ZNF44: variants seen among roughly 807,000 people sequenced by gnomAD.
The protein encoded by ZNF44 is gonadotropin inducible transcription repressor-2.
ZNF44 carries 9 observed loss-of-function variants against 11.7 expected under a neutral mutation model. The observed-to-expected ratio is 0.77, with a 90% CI of 0.46 to 1.35. The LOEUF is 1.35. ZNF44 is among the 40% of genes most tolerant of loss of function. The pLI, the probability that ZNF44 is intolerant of heterozygous loss-of-function variation, is 0.00. For synonymous variants in ZNF44, 224 were observed against 242.7 expected (o/e 0.92, Z 0.72); for missense variants, 696 against 743.1 (o/e 0.94, Z 0.74).
upstream of ZNF44, among the ~76,000 whole-genome samples, chr19:12,242,484 T>G (rs1916651339): frequency 6.9e-6 from 1 of 144,010 alleles, no homozygotes; most frequent in African/African-American, 2.7e-5. Context: ...CACTCCAGCC[T>G]GGGTGACAGA....
At chr19:12,270,587 G>GACT (rs1269993121), downstream of ZNF44, among the ~76,000 whole-genome samples, 1 of 151,974 alleles carries the variant, frequency 6.6e-6, no homozygotes, top group Non-Finnish European at 1.5e-5. Context: ...AAGTAGCTGG[G>GACT]ACTACATGCG....
At chr19:12,258,748 T>C (rs1476561203) in intron 5 of ZNF44, among the ~76,000 whole-genome samples, 1 of 152,092 alleles carries the variant, frequency 6.6e-6, no homozygotes, top group Non-Finnish European at 1.5e-5. Context: ...GAAAATTGCT[T>C]AAACCTGAGA....
upstream of ZNF44, among the ~76,000 whole-genome samples, chr19:12,240,086 T>C (rs1361156020): frequency 6.6e-6 from 1 of 152,140 alleles, no homozygotes; most frequent in East Asian, 1.9e-4. Context: ...TTCCTATTGT[T>C]AGGATGAGCA....
intron 3 of ZNF44, among the ~76,000 whole-genome samples, chr19:12,229,157 A>G (rs1339713324): frequency 6.6e-6 from 1 of 152,210 alleles, no homozygotes; most frequent in Non-Finnish European, 1.5e-5. Context: ...CATAACACAT[A>G]TATAACCACA....
intron 5 of ZNF44, chr19:12,260,466 A>G: frequency 1.5e-6 from 2 of 1,354,412 alleles, no homozygotes; most frequent in Non-Finnish European, 2.1e-6. Context: ...CCGCAGGGTC[A>G]GCGCCATCCT....
intron 1 of ZNF44, among the ~76,000 whole-genome samples, chr19:12,278,284 C>T (rs1967316719): frequency 6.6e-6 from 1 of 152,176 alleles, no homozygotes; most frequent in African/African-American, 2.4e-5. Flanking sequence ...GTAAGGAAGG[C>T]TTTTAGTTAG....
upstream of ZNF44, among the ~76,000 whole-genome samples, chr19:12,240,296 T>A (rs1002389893): frequency 4.6e-5 from 7 of 151,746 alleles, no homozygotes; most frequent in African/African-American, 1.7e-4. Context: ...ATACAAAAAA[T>A]TAGCCGGGTG....
chr19:12,257,700 C>T (rs1179283281), intron 5 of ZNF44, among the ~76,000 whole-genome samples: 1 of 151,024 alleles, frequency 6.6e-6, no homozygotes, highest in Non-Finnish European at 1.5e-5. Flanking sequence ...ACCTGGGAGG[C>T]TGAGGCAGGA....
At chr19:12,293,950 G>A (rs1421776795) in intron 1 of ZNF44, among the ~76,000 whole-genome samples, 1 of 151,516 alleles carries the variant, frequency 6.6e-6, no homozygotes, top group Non-Finnish European at 1.5e-5. Context: ...CTGGAGGCGA[G>A]ATTGCAGTTA....
chr19:12,292,327 T>TA (rs1303527601), intron 1 of ZNF44, among the ~76,000 whole-genome samples: 2 of 150,726 alleles, frequency 1.3e-5, no homozygotes, highest in Non-Finnish European at 3.0e-5. Flanking sequence ...ATAAAAATAA[T>TA]AAAAAAAAGG....
intron 1 of ZNF44, 34 bp from the exon 2 acceptor site, chr19:12,276,116 T>G (rs2145732970): frequency 6.3e-7 from 1 of 1,587,174 alleles, no homozygotes; most frequent in East Asian, 2.3e-5. Flanking sequence ...AAAGGAAGGT[T>G]GAAACTCACA....
rs375327120 is a variant in ZNF44 at position 12,277,367 on chromosome 19, G to T, written c.4-1285C>A. Among the ~76,000 whole-genome samples the T allele has an allele frequency of 7.9e-5, 12 of 152,288 alleles. No homozygotes were observed. In the East Asian group the frequency reaches 2.1e-3, roughly 27 times the overall value. ...TAATGTCGAAGGAGAAAGAAAAGAA[G>T]AGGACAGACTGCAAATGTTCTTAGA... On this transcript the variant is annotated intron_variant, in intron 1 of 3. Transcript: ENST00000355684.
chr19:12,280,581 T>C (rs1160958664), intron 1 of ZNF44, among the ~76,000 whole-genome samples: 2 of 152,072 alleles, frequency 1.3e-5, no homozygotes, highest in Non-Finnish European at 2.9e-5. Context: ...AACAATAATA[T>C]ACATGTTTAT....
chr19:12,263,971 T>C (rs909903145), intron 5 of ZNF44, among the ~76,000 whole-genome samples: 2 of 150,344 alleles, frequency 1.3e-5, no homozygotes, highest in Non-Finnish European at 2.9e-5. Flanking sequence ...CATGTGCCTG[T>C]AGTCCTAGCT....
chr19:12,236,381 G>A (rs1426626197), intron 1 of ZNF44, among the ~76,000 whole-genome samples: 2 of 152,280 alleles, frequency 1.3e-5, no homozygotes, highest in Admixed American at 6.5e-5. Flanking sequence ...ACCAAAATCG[G>A]ACACAAATGT....
chr19:12,284,180 T>C (rs1389128989), intron 1 of ZNF44, among the ~76,000 whole-genome samples: 2 of 152,172 alleles, frequency 1.3e-5, no homozygotes, highest in African/African-American at 4.8e-5. Flanking sequence ...CTGAGAATTA[T>C]TTCACAGATG....
At chr19:12,281,686 A>G (rs1456390929) in intron 1 of ZNF44, among the ~76,000 whole-genome samples, 2 of 152,152 alleles carry the variant, frequency 1.3e-5, no homozygotes, top group Admixed American at 6.6e-5. Flanking sequence ...GTTAACTCAG[A>G]AAAAAGAGGA....
At chr19:12,228,675 A>C (rs1916023252) in intron 3 of ZNF44, among the ~76,000 whole-genome samples, 1 of 152,136 alleles carries the variant, frequency 6.6e-6, no homozygotes, top group Admixed American at 6.5e-5. Context: ...AATTTACCAT[A>C]TAAAATTTTT....
intron 3 of ZNF44, 137 bp from the exon 4 acceptor site, chr19:12,274,200 G>T: frequency 1.6e-6 from 1 of 621,492 alleles, no homozygotes. Context: ...TGGACTGAAT[G>T]TTGTGCAAGA....
Sources: allele counts gnomAD v4.1 joint callset (sites outside exome capture counted in the v4.1 genomes callset), GRCh38; gene constraint gnomAD v4.1.1; transcripts MANE v1.5; gene names NCBI Gene and HGNC (gene_info 2026-07-23, HGNC 2026-07-21).